The following GALC variants were observed in gnomAD, a reference collection of about 807,000 sequenced individuals.
GALC encodes galactosylceramidase.
In GALC, 77 loss-of-function variants were observed where a neutral mutation model predicts 91.8. The ratio of observed to expected loss-of-function variants is 0.84; its 90% confidence interval spans 0.70 to 1.01. GALC has a LOEUF of 1.01. Ranked by LOEUF, GALC falls within the 50% of genes least tolerant of loss-of-function variation. The pLI is 0.00. For synonymous variants in GALC, 357 were observed against 306.7 expected (o/e 1.16, Z -1.71); for missense variants, 882 against 855.9 (o/e 1.03, Z -0.38).
At chr14:87,992,495 T>A (rs1246144744) in intron 1 of GALC, 1 of 1,531,850 alleles carries the variant, frequency 6.5e-7, no homozygotes, top group Non-Finnish European at 8.7e-7. Flanking sequence ...ACTTAACGAC[T>A]CCACCACCCA....
At position 87,934,754 on chromosome 14, in the gene GALC, A is replaced by C. The variant is rs1450544773; in HGVS notation, c.2036T>G (p.Phe679Cys). Residue 679 changes from phenylalanine (F) to cysteine (C), a missense_variant, in exon 17 of 17, where the codon TTT becomes TGT. Physicochemically the swap from Phe to Cys is radical, Grantham distance 205 (BLOSUM62 -2). Coordinates refer to ENST00000261304, the MANE Select transcript of GALC (RefSeq NM_000153.4). ...HSFEFAQFDN[F>C]LVEATR ...GTATTAGCGTGTGGCTTCCACAAGA[A>C]AGTTGTCAAACTGTGCAAATTCAAA... The C allele has an allele frequency of 3.7e-6, 6 of 1,613,174 alleles. No homozygotes were observed. The highest frequency in any genetic ancestry group is 4.2e-6 in the Non-Finnish European group (5 of 1,179,478).
intron 13 of GALC, 89 bp downstream of exon 13, chr14:87,947,639 C>T: frequency 7.8e-7 from 1 of 1,281,046 alleles, no homozygotes; most frequent in South Asian, 1.2e-5. Flanking sequence ...TTGACAGCCA[C>T]TCCATCATGC....
At chr14:87,954,030 G>A (rs1306009569) in intron 10 of GALC, 1 of 1,609,690 alleles carries the variant, frequency 6.2e-7, no homozygotes, top group African/African-American at 1.3e-5. Context: ...TATTCATGAG[G>A]ACCAATGGGT....
At chr14:87,945,865 AG>A (rs1384181600) in intron 13 of GALC, 132 bp from the exon 14 acceptor site, 1 of 693,366 alleles carries the variant, frequency 1.4e-6, no homozygotes, top group Non-Finnish European at 2.5e-6. Context: ...ACCAAAGTTT[AG>A]GGCCTAGGTC....
intron 10 of GALC, chr14:87,959,550 T>C (rs564324322): frequency 6.6e-6 from 1 of 151,788 alleles, no homozygotes; most frequent in Admixed American, 6.6e-5. Flanking sequence ...TGAAACCCCG[T>C]CTCTACTAAA....
At chr14:87,937,958 G>C (rs746441353) in intron 16 of GALC, among the ~76,000 whole-genome samples, 31 of 151,290 alleles carry the variant, frequency 2.0e-4, no homozygotes, top group South Asian at 1.0e-3. Context: ...TTCCTAAATT[G>C]ATGTGTAAAT....
intron 13 of GALC, among the ~76,000 whole-genome samples, chr14:87,947,292 G>C (rs775544350): frequency 6.6e-6 from 1 of 151,480 alleles, no homozygotes; most frequent in Non-Finnish European, 1.5e-5. Flanking sequence ...AAAAAAGCAC[G>C]GGATGGTATA....
At chr14:87,978,215 C>T (rs1886587189) in intron 6 of GALC, among the ~76,000 whole-genome samples, 1 of 152,224 alleles carries the variant, frequency 6.6e-6, no homozygotes, top group South Asian at 2.1e-4. Context: ...CCATGCCTGG[C>T]TAATTTTATA....
intron 7 of GALC, 46 bp from the exon 8 acceptor site, chr14:87,968,536 G>C: frequency 1.3e-6 from 2 of 1,572,504 alleles, no homozygotes; most frequent in Non-Finnish European, 1.8e-6. Context: ...GTCACGACGT[G>C]GCACTTATAT....
At chr14:87,963,322 T>C in intron 10 of GALC, 62 bp downstream of exon 10, 9 of 1,520,306 alleles carry the variant, frequency 5.9e-6, no homozygotes, top group Non-Finnish European at 8.2e-6. Context: ...TATTCAGTTT[T>C]ATATTTTATT....
rs1338729149 is a variant in GALC, at chr14:87,965,461, C to G, written c.1033+44G>C. ...CTCTAAGTTTTTTTCTGCTTTGTCT[C>G]TTAGAGAAGAATTTAGGGAGTGAGA... On this transcript the variant is annotated intron_variant, in intron 9 of 16. Coordinates refer to ENST00000261304, the MANE Select transcript of GALC (RefSeq NM_000153.4). The G allele has an allele frequency of 2.5e-6, 4 of 1,606,004 alleles. No individual in the cohort carries two copies. In the African/African-American group the frequency reaches 4.0e-5, roughly 16 times the overall value.
chr14:87,985,808 T>C (rs1052822349), intron 4 of GALC, among the ~76,000 whole-genome samples: 3 of 152,230 alleles, frequency 2.0e-5, no homozygotes, highest in Non-Finnish European at 2.9e-5. Flanking sequence ...ACAAGCTCTG[T>C]ACACATTCTC....
upstream of GALC, chr14:87,993,269 A>G (rs1887318049): frequency 6.5e-7 from 1 of 1,538,090 alleles, no homozygotes; most frequent in East Asian, 2.4e-5. Flanking sequence ...CGCCATTTTG[A>G]GTGCGGGTCA....
At chr14:87,961,351 A>G (rs1465927062) in intron 10 of GALC, among the ~76,000 whole-genome samples, 1 of 152,188 alleles carries the variant, frequency 6.6e-6, no homozygotes, top group Non-Finnish European at 1.5e-5. Flanking sequence ...GTTTCATAAA[A>G]CTGCTGGTGG....
intron 14 of GALC, among the ~76,000 whole-genome samples, chr14:87,943,927 GAC>G (rs1036471417): frequency 4.6e-5 from 7 of 151,978 alleles, no homozygotes; most frequent in African/African-American, 1.4e-4. Context: ...CAGGTAGCAG[GAC>G]AGAGTCACTG....
At chr14:87,955,543 C>A (rs1566981197) in intron 10 of GALC, among the ~76,000 whole-genome samples, 1 of 149,194 alleles carries the variant, frequency 6.7e-6, no homozygotes, top group African/African-American at 2.5e-5. Flanking sequence ...GGAAGACATT[C>A]CCTCAGAAAC....
chr14:87,964,760 A>T (rs1885960651), intron 9 of GALC, among the ~76,000 whole-genome samples: 1 of 152,116 alleles, frequency 6.6e-6, no homozygotes, highest in Non-Finnish European at 1.5e-5. Flanking sequence ...TGGGAAACCC[A>T]ATTTGCCTCC....
Position 87,934,650 on chromosome 14 carries a change from C to T in GALC, c.*82G>A. On this transcript the variant is annotated 3_prime_UTR_variant, in exon 17 of 17. Coordinates refer to ENST00000261304, the MANE Select transcript of GALC (RefSeq NM_000153.4). ...GTCTCAAAAGCCTCATATACTGTTCCAATGAAACAAGAATTGGCTCTGAAC... is the reference window on the plus strand; with the variant it reads ...GTCTCAAAAGCCTCATATACTGTTCTAATGAAACAAGAATTGGCTCTGAAC... The T allele has an allele frequency of 6.2e-7, 1 of 1,607,204 alleles. No homozygotes were observed. Among genetic ancestry groups the T allele is most frequent in the Non-Finnish European group, 8.5e-7 (1 of 1,177,348 alleles).
chr14:87,950,618 C>A (rs375928141), intron 11 of GALC, 41 bp downstream of exon 11: 3 of 1,260,674 alleles, frequency 2.4e-6, no homozygotes, highest in Admixed American at 1.7e-5. Flanking sequence ...TATATAAATT[C>A]TTAAATCAAA....
Sources: allele counts gnomAD v4.1 joint callset (sites outside exome capture counted in the v4.1 genomes callset), GRCh38; gene constraint gnomAD v4.1.1; transcripts MANE v1.5; gene names NCBI Gene and HGNC (gene_info 2026-07-23, HGNC 2026-07-21).